Variants in MB21D2 observed in about 807,000 individuals in gnomAD.
MB21D2 encodes the protein Mab-21 domain containing 2, also known as nucleotidyltransferase MB21D2.
In MB21D2, 9 loss-of-function variants were observed where a neutral mutation model predicts 33.3. That is an observed-to-expected ratio of 0.27 (90% confidence interval 0.16 to 0.47). The LOEUF is 0.47. Among genes scored for constraint, MB21D2 ranks in the 20% least tolerant of loss-of-function variants. The pLI is 0.99. For synonymous variants in MB21D2, 241 were observed against 236.3 expected (o/e 1.02, Z -0.18); for missense variants, 540 against 624.6 (o/e 0.86, Z 1.44).
At chr3:192,884,358 G>A (rs1403886643) in intron 1 of MB21D2, among the ~76,000 whole-genome samples, 1 of 151,962 alleles carries the variant, frequency 6.6e-6, no homozygotes, top group Non-Finnish European at 1.5e-5. Context: ...GTAGGTGGAG[G>A]TGCATGTCTT....
chr3:192,905,842 A>G (rs1307691380), intron 1 of MB21D2, among the ~76,000 whole-genome samples: 1 of 151,762 alleles, frequency 6.6e-6, no homozygotes, highest in Non-Finnish European at 1.5e-5. Flanking sequence ...AAAAAGAAGA[A>G]AAAGAAAAGG....
intron 1 of MB21D2, among the ~76,000 whole-genome samples, chr3:192,914,131 G>A (rs1183062631): frequency 1.3e-5 from 2 of 152,130 alleles, no homozygotes; most frequent in African/African-American, 4.8e-5. Flanking sequence ...AGAGGAACAT[G>A]TTTTAGAGTA....
chr3:192,856,474 T>C (rs993629263), intron 1 of MB21D2, among the ~76,000 whole-genome samples: 7 of 152,188 alleles, frequency 4.6e-5, no homozygotes, highest in African/African-American at 1.7e-4. Flanking sequence ...ACCCAGTTAA[T>C]CTTTCTCATG....
At chr3:192,849,878 G>A (rs1236151845) in intron 1 of MB21D2, among the ~76,000 whole-genome samples, 2 of 151,480 alleles carry the variant, frequency 1.3e-5, no homozygotes, top group African/African-American at 4.9e-5. Flanking sequence ...TGTTTGCTGA[G>A]TGAATAAACT....
At position 192,798,522 on chromosome 3, in the gene MB21D2, G is replaced by A; in HGVS notation, c.1340C>T (p.Pro447Leu). 1.2e-6 allele frequency: 2 copies of A among 1,614,192 alleles called. No individual in the cohort carries two copies. Among genetic ancestry groups the A allele is most frequent in the Non-Finnish European group, 1.7e-6 (2 of 1,180,040 alleles). The change falls in exon 2 of 2, where the codon CCC (proline) becomes CTC (leucine). Residue 447 changes from proline to leucine, a missense_variant. By Grantham distance (98) the Pro-to-Leu change is moderately conservative. Transcript: ENST00000392452. This position sits in a 1 kb window ranked among gnomAD's most constrained non-coding sequence, Gnocchi z 4.8. Reference sequence around the variant, plus strand: ...TGCCAAACGGTCATCAGGCTGGTTGGGGTCCCCTCCGTCAGACTGTGGAGA... The same window carrying A: ...TGCCAAACGGTCATCAGGCTGGTTGAGGTCCCCTCCGTCAGACTGTGGAGA... ...IPSPQSDGGD[P>L]NQPDDRLAKK...
chr3:192,798,817 C>A lies in MB21D2; in HGVS notation c.1045G>T (p.Ala349Ser). 1 of 1,611,968 alleles carries A rather than the reference C, an allele frequency of 6.2e-7. No homozygotes were observed. The change falls in exon 2 of 2, where the codon GCT becomes TCT. Residue 349 changes from alanine to serine, a missense_variant. Coordinates refer to ENST00000392452, the MANE Select transcript of MB21D2 (RefSeq NM_178496.4). The surrounding 1 kb of genome is among the most constrained non-coding windows in gnomAD (Gnocchi z 4.8). ...ACDRLPANYL[A>S]QEDYAAHFLL... ...AAGTGGGCTGCATAGTCTTCTTGAG[C>A]CAAGTAGTTGGCAGGAAGTCTGTCG...
intron 1 of MB21D2, among the ~76,000 whole-genome samples, chr3:192,870,130 T>G (rs1277205678): frequency 6.6e-6 from 1 of 151,642 alleles, no homozygotes; most frequent in East Asian, 1.9e-4. Context: ...CACAATAACC[T>G]CAAAAGCACA....
intron 1 of MB21D2, among the ~76,000 whole-genome samples, chr3:192,885,487 C>T (rs78219915): frequency 0.014 from 2,141 of 152,148 alleles, 79 homozygotes; most frequent in African/African-American, 0.049. Flanking sequence ...GATCAGTTGC[C>T]TCCACATGCA....
rs115231520 is a variant in MB21D2, at chr3:192,850,534, A to G, written c.212-50884T>C. 2.8e-3 allele frequency among the ~76,000 whole-genome samples: 431 copies of G among 152,238 alleles called. 2 individuals carry two copies. Among genetic ancestry groups the G allele is most frequent in the African/African-American group, 1.0e-2 (415 of 41,550 alleles). The stretch of plus-strand genomic sequence containing the variant: ...GTTAGACTTGCTTGTACTTCTCCAC[A>G]TTCCACAGAAAAGAGGTGCCTGCTA... On this transcript the variant is annotated intron_variant, in intron 1 of 1. Coordinates refer to ENST00000392452, the MANE Select transcript of MB21D2 (RefSeq NM_178496.4).
At chr3:192,911,637 T>C (rs1714356558) in intron 1 of MB21D2, among the ~76,000 whole-genome samples, 1 of 151,904 alleles carries the variant, frequency 6.6e-6, no homozygotes, top group African/African-American at 2.4e-5. Context: ...AAAAAGGGGC[T>C]CAGCCTAACT....
intron 1 of MB21D2, among the ~76,000 whole-genome samples, chr3:192,870,233 C>T (rs12629316): frequency 0.59 from 90,223 of 151,892 alleles, 28,210 homozygotes; most frequent in African/African-American, 0.78. Flanking sequence ...AGTCAGGATT[C>T]CTGACTGTGT....
chr3:192,860,487 T>C (rs1713018697), intron 1 of MB21D2, among the ~76,000 whole-genome samples: 1 of 152,138 alleles, frequency 6.6e-6, no homozygotes, highest in Admixed American at 6.6e-5. Flanking sequence ...ATAAAGGCAG[T>C]AGAATATTGA....
At chr3:192,859,091 G>A (rs747159758) in intron 1 of MB21D2, among the ~76,000 whole-genome samples, 6 of 152,194 alleles carry the variant, frequency 3.9e-5, no homozygotes, top group Middle Eastern at 3.4e-3. Flanking sequence ...CATGCTGGCC[G>A]GCTCCAACAG....
At chr3:192,852,214 CACTCAGCATG>C (rs889905589) in intron 1 of MB21D2, among the ~76,000 whole-genome samples, 26 of 152,206 alleles carry the variant, frequency 1.7e-4, no homozygotes, top group African/African-American at 2.4e-5. Context: ...TCAGAGACAC[CACTCAGCATG>C]CACAGCACCC....
rs142690849 is a variant in MB21D2 at position 192,802,276 on chromosome 3, G to A, written c.212-2626C>T. On this transcript the variant is annotated intron_variant, in intron 1 of 1. Transcript: ENST00000392452. ...TGGGGTTGGCTGTGGCGAATGATGC[G>A]CCTGCAGGGAAGCTCAGCTTCTCCT... 1.6e-3 allele frequency among the ~76,000 whole-genome samples: 249 copies of A among 152,272 alleles called. 2 individuals are homozygous for A. The highest frequency in any genetic ancestry group is 5.6e-3 in the African/African-American group (232 of 41,540).
chr3:192,888,703 G>T (rs1378709761), intron 1 of MB21D2, among the ~76,000 whole-genome samples: 1 of 152,002 alleles, frequency 6.6e-6, no homozygotes, highest in African/African-American at 2.4e-5. Context: ...GCACGAAGCA[G>T]TTTATATGAC....
At chr3:192,893,751 C>T (rs1713904464) in intron 1 of MB21D2, among the ~76,000 whole-genome samples, 1 of 152,124 alleles carries the variant, frequency 6.6e-6, no homozygotes, top group Admixed American at 6.6e-5. Flanking sequence ...AAAGAGCCAC[C>T]TCTGGCTGGG....
At chr3:192,805,980 T>G (rs1212597679) in intron 1 of MB21D2, among the ~76,000 whole-genome samples, 2 of 152,206 alleles carry the variant, frequency 1.3e-5, no homozygotes, top group African/African-American at 4.8e-5. Context: ...ACATGTTAGA[T>G]GAAGGGAAAT....
intron 1 of MB21D2, among the ~76,000 whole-genome samples, chr3:192,848,776 G>C (rs565361415): frequency 6.6e-6 from 1 of 152,246 alleles, no homozygotes; most frequent in South Asian, 2.1e-4. Flanking sequence ...AATCTTCCTA[G>C]AACAAATAAG....
Sources: allele counts gnomAD v4.1 joint callset (sites outside exome capture counted in the v4.1 genomes callset), GRCh38; gene constraint gnomAD v4.1.1; non-coding constraint Gnocchi (gnomAD v3.1); transcripts MANE v1.5; gene names NCBI Gene and HGNC (gene_info 2026-07-23, HGNC 2026-07-21).